OXR1: variants seen among roughly 807,000 people sequenced by gnomAD.
The protein encoded by OXR1 is oxidation resistance protein 1.
In OXR1, 41 loss-of-function variants were observed where a neutral mutation model predicts 104.6. The observed-to-expected ratio is 0.39, with a 90% confidence interval of 0.31 to 0.51. The LOEUF (loss-of-function observed/expected upper bound fraction) is 0.51. Among genes scored for constraint, OXR1 ranks in the 20% least tolerant of loss-of-function variants. The pLI is 0.77. For synonymous variants in OXR1, 348 were observed against 348.4 expected (o/e 1.00, Z 0.01); for missense variants, 955 against 1,031.9 (o/e 0.93, Z 1.02).
intron 2 of OXR1, among the ~76,000 whole-genome samples, chr8:106,384,421 A>C (rs2130423597): frequency 6.6e-6 from 1 of 152,266 alleles, no homozygotes; most frequent in Admixed American, 6.5e-5. Context: ...CATCAAACAT[A>C]AGCAGTTGCC....
rs28924369 is a variant in OXR1 at position 106,677,470 on chromosome 8, G to C, written c.221-1740G>C. Among the ~76,000 whole-genome samples the C allele has an allele frequency of 2.3e-3, 348 of 152,126 alleles. 1 individual carries two copies. Among genetic ancestry groups the C allele is most frequent in the African/African-American group, 7.8e-3 (323 of 41,514 alleles). On this transcript the variant is annotated intron_variant, in intron 3 of 16. Coordinates refer to ENST00000517566, the MANE Select transcript of OXR1 (RefSeq NM_001198533.2). ...TTGCATTGCCACCAGGAATGCAGAA[G>C]AATATCTCATTTCCTACTGTCAAAC...
chr8:106,334,140 C>T (rs1236972136), intron 1 of OXR1, among the ~76,000 whole-genome samples: 1 of 152,148 alleles, frequency 6.6e-6, no homozygotes, highest in Non-Finnish European at 1.5e-5. Flanking sequence ...TTTCTTTCAA[C>T]AATGTTTTAT....
intron 11 of OXR1, among the ~76,000 whole-genome samples, chr8:106,735,280 G>T (rs1485082454): frequency 6.6e-6 from 1 of 151,004 alleles, no homozygotes; most frequent in Non-Finnish European, 1.5e-5. Flanking sequence ...TTAAGGTTAA[G>T]GAAGCAGAAA....
chr8:106,714,954 A>G (rs1832085895), intron 11 of OXR1, among the ~76,000 whole-genome samples: 1 of 152,116 alleles, frequency 6.6e-6, no homozygotes, highest in African/African-American at 2.4e-5. Context: ...TGACTCCAAT[A>G]TAAGGGAGGG....
intron 1 of OXR1, among the ~76,000 whole-genome samples, chr8:106,350,028 GAATAC>G (rs1815658575): frequency 6.6e-6 from 1 of 152,128 alleles, no homozygotes; most frequent in African/African-American, 2.4e-5. Context: ...TGGCATTTGT[GAATAC>G]AGGGAAGAAG....
intron 1 of OXR1, among the ~76,000 whole-genome samples, chr8:106,293,088 T>A (rs1296083609): frequency 1.3e-5 from 2 of 152,148 alleles, no homozygotes; most frequent in African/African-American, 4.8e-5. Flanking sequence ...AAAATGGTAG[T>A]ACACAGAAGA....
At chr8:106,726,537 G>C (rs1428245076) in intron 11 of OXR1, among the ~76,000 whole-genome samples, 1 of 152,108 alleles carries the variant, frequency 6.6e-6, no homozygotes, top group Non-Finnish European at 1.5e-5. Context: ...TGTTTTGTAT[G>C]TTCTACACCA....
chr8:106,577,323 G>T (rs1176863876), intron 3 of OXR1, among the ~76,000 whole-genome samples: 16 of 144,384 alleles, frequency 1.1e-4, no homozygotes, highest in African/African-American at 4.1e-4. Flanking sequence ...TGATTCTCCT[G>T]CCTCAGCCTC....
chr8:106,606,467 A>T (rs1429007534), intron 3 of OXR1, among the ~76,000 whole-genome samples: 2 of 136,930 alleles, frequency 1.5e-5, no homozygotes, highest in East Asian at 2.1e-4. Flanking sequence ...TGCCTGGCTA[A>T]TTTTTTTTTT....
chr8:106,736,645 T>C (rs548984377), intron 11 of OXR1, among the ~76,000 whole-genome samples: 1 of 152,342 alleles, frequency 6.6e-6, no homozygotes, highest in Admixed American at 6.5e-5. Context: ...TATGTCAACC[T>C]GAGGAAACTT....
chr8:106,647,952 T>C (rs532508987), intron 3 of OXR1, among the ~76,000 whole-genome samples: 3 of 152,364 alleles, frequency 2.0e-5, no homozygotes, highest in African/African-American at 7.2e-5. Context: ...CTTTTACCAT[T>C]TTGCTTAAAG....
intron 2 of OXR1, among the ~76,000 whole-genome samples, chr8:106,506,871 G>T (rs1233643588): frequency 2.0e-5 from 3 of 151,978 alleles, no homozygotes; most frequent in Non-Finnish European, 4.4e-5. Flanking sequence ...TGGAAGGATT[G>T]CTTGAGCTCA....
chr8:106,619,969 C>T (rs1821562239), intron 3 of OXR1, among the ~76,000 whole-genome samples: 1 of 152,052 alleles, frequency 6.6e-6, no homozygotes, highest in African/African-American at 2.4e-5. Context: ...TGCCTTATAT[C>T]CTCTTGGCAC....
chr8:106,344,572 C>T (rs1355129720), intron 1 of OXR1, among the ~76,000 whole-genome samples: 9 of 152,158 alleles, frequency 5.9e-5, no homozygotes, highest in Admixed American at 5.9e-4. Context: ...CTCCTGACCT[C>T]ATGATCCATC....
At chr8:106,557,921 C>G (rs2130467444) in intron 3 of OXR1, among the ~76,000 whole-genome samples, 1 of 152,278 alleles carries the variant, frequency 6.6e-6, no homozygotes, top group East Asian at 1.9e-4. Context: ...ATAATTTAAA[C>G]ATAACTCAGA....
chr8:106,339,830 T>C (rs193206832), intron 1 of OXR1, among the ~76,000 whole-genome samples: 4 of 152,090 alleles, frequency 2.6e-5, no homozygotes, highest in Admixed American at 2.6e-4. Flanking sequence ...ATTTTACAGA[T>C]ATAAAACTAA....
At chr8:106,634,173 T>G (rs1822944165) in intron 3 of OXR1, among the ~76,000 whole-genome samples, 1 of 152,180 alleles carries the variant, frequency 6.6e-6, no homozygotes, top group African/African-American at 2.4e-5. Context: ...TTTGTAGGCT[T>G]TATGAGCCAG....
chr8:106,544,747 C>T (rs537911991), intron 3 of OXR1, among the ~76,000 whole-genome samples: 1 of 152,274 alleles, frequency 6.6e-6, no homozygotes, highest in African/African-American at 2.4e-5. Flanking sequence ...AAGTTTGGAA[C>T]AAGACAATAG....
chr8:106,575,699 T>TA (rs10583625), intron 3 of OXR1, among the ~76,000 whole-genome samples: 110 of 146,088 alleles, frequency 7.5e-4, no homozygotes, highest in East Asian at 2.4e-3. Flanking sequence ...AAGAATATAT[T>TA]AAAAAAAAAA....
Sources: gnomAD v4.1 joint callset for allele counts (sites outside exome capture counted in the v4.1 genomes callset) on GRCh38, gnomAD v4.1.1 for gene constraint, MANE v1.5 for transcripts, NCBI Gene and HGNC (gene_info 2026-07-23, HGNC 2026-07-21) for gene names.